PIGF: variants seen among roughly 807,000 people sequenced by gnomAD.
PIGF encodes the protein GPI ethanolamine phosphate transferase, stabilizing subunit.
PIGF carries 23 observed loss-of-function variants against 26.0 expected under a neutral mutation model. That is an observed-to-expected ratio of 0.88 (90% confidence interval 0.64 to 1.25). The LOEUF (loss-of-function observed/expected upper bound fraction) is 1.25, where lower values mean the gene tolerates loss of function less well. Ranked by LOEUF, PIGF falls within the 50% of genes most tolerant of loss-of-function variation. The pLI is 0.00. For synonymous variants in PIGF, 93 were observed against 92.6 expected (o/e 1.00, Z -0.03); for missense variants, 278 against 249.9 (o/e 1.11, Z -0.76).
Position 46,589,731 on chromosome 2 carries a change from A to G in PIGF, c.546+2744T>C, listed in dbSNP as rs547622986. Among the ~76,000 whole-genome samples the G allele has an allele frequency of 6.6e-6, 1 of 152,140 alleles. No homozygotes were observed. Among genetic ancestry groups the G allele is most frequent in the Non-Finnish European group, 1.5e-5 (1 of 67,926 alleles). On this transcript the variant is annotated intron_variant, in intron 5 of 5. Transcript: ENST00000281382. The surrounding 1 kb of genome is among the most constrained non-coding windows in gnomAD (Gnocchi z 4.7). ...TTGTCTTCTCATGAAATTTTGCTCT[A>G]ACAACATCTCCACTTTTAGAAAATG...
intron 5 of PIGF, among the ~76,000 whole-genome samples, chr2:46,585,761 C>A (rs1021374564): frequency 6.6e-6 from 1 of 152,056 alleles, no homozygotes; most frequent in Non-Finnish European, 1.5e-5. Flanking sequence ...CTATTCTTTA[C>A]CCTTGCAAAG....
intron 4 of PIGF, among the ~76,000 whole-genome samples, chr2:46,605,586 T>C (rs893434597): frequency 6.6e-6 from 1 of 152,160 alleles, no homozygotes. Context: ...GCAAAGTACA[T>C]ATTAGTTTTA....
chr2:46,580,947 T>C lies in PIGF; in HGVS notation c.*531A>G. ...TCCCAGATAGGAGCATGCTGCTATG[T>C]GGAATGTTCAGCTTTAACCCAGAAG... On this transcript the variant is annotated 3_prime_UTR_variant, in exon 6 of 6. Coordinates refer to ENST00000281382, the MANE Select transcript of PIGF (RefSeq NM_002643.4). 3 of 1,529,054 alleles carry C rather than the reference T, an allele frequency of 2.0e-6. No individual in the cohort carries two copies. In the Admixed American group the frequency reaches 6.9e-5, roughly 35 times the overall value. The allele number at this position is 1,529,054 out of a possible 1,614,324, so 94.7% of individuals were successfully genotyped here.
intron 4 of PIGF, among the ~76,000 whole-genome samples, chr2:46,608,861 T>A (rs954055306): frequency 6.6e-6 from 1 of 152,184 alleles, no homozygotes; most frequent in African/African-American, 2.4e-5. Flanking sequence ...CATCCAGACT[T>A]CGTTGTTCCA....
At position 46,605,191 on chromosome 2, in the gene PIGF, G is replaced by A. The variant is rs1670180940; in HGVS notation, c.437+7037C>T. ...GAAGGCAAACTCTAATGTTCAACGA[G>A]TTAATCTAATTATTTCCTAGCTTAT... On this transcript the variant is annotated intron_variant, in intron 4 of 5. Coordinates refer to ENST00000281382, the MANE Select transcript of PIGF (RefSeq NM_002643.4). Among the ~76,000 whole-genome samples, 2 of 151,994 alleles carry A rather than the reference G, an allele frequency of 1.3e-5. 1 individual carries two copies. The highest frequency in any genetic ancestry group is 4.1e-4 in the South Asian group (2 of 4,828).
At chr2:46,599,847 GT>G (rs1195358956) in intron 4 of PIGF, among the ~76,000 whole-genome samples, 7 of 152,130 alleles carry the variant, frequency 4.6e-5, no homozygotes, top group Middle Eastern at 6.8e-3. Context: ...TTTTAGGGTT[GT>G]CATGCCGTTT....
At chr2:46,608,676 T>C (rs183523028) in intron 4 of PIGF, among the ~76,000 whole-genome samples, 20 of 152,318 alleles carry the variant, frequency 1.3e-4, no homozygotes, top group African/African-American at 4.6e-4. Context: ...GGATCTTGTG[T>C]TGTAGGCATG....
chr2:46,587,819 G>A (rs1395656696), intron 5 of PIGF, among the ~76,000 whole-genome samples: 2 of 152,138 alleles, frequency 1.3e-5, no homozygotes, highest in African/African-American at 2.4e-5. Context: ...GTCAAGGCAT[G>A]TAATGAAAAC....
chr2:46,611,871 C>T (rs772095887), intron 4 of PIGF, among the ~76,000 whole-genome samples: 1 of 152,114 alleles, frequency 6.6e-6, no homozygotes, highest in Non-Finnish European at 1.5e-5. Flanking sequence ...ATTTTATTTA[C>T]AGCAGTCTTA....
intron 4 of PIGF, among the ~76,000 whole-genome samples, chr2:46,610,037 G>A (rs1329270968): frequency 6.6e-6 from 1 of 152,176 alleles, no homozygotes; most frequent in Non-Finnish European, 1.5e-5. Context: ...ATAAAGTGAG[G>A]AACAATAAAA....
intron 5 of PIGF, among the ~76,000 whole-genome samples, chr2:46,586,320 C>T (rs141157927): frequency 0.012 from 1,784 of 152,208 alleles, 32 homozygotes; most frequent in African/African-American, 0.041. Context: ...ATGAATGACT[C>T]CATTCATTCG....
intron 4 of PIGF, among the ~76,000 whole-genome samples, chr2:46,601,399 G>A (rs527376858): frequency 1.3e-5 from 2 of 152,196 alleles, no homozygotes; most frequent in South Asian, 4.1e-4. Context: ...CATTTTGAGT[G>A]CCTACTACGT....
intron 4 of PIGF, among the ~76,000 whole-genome samples, chr2:46,604,756 G>C (rs1291042659): frequency 2.0e-5 from 3 of 151,746 alleles, no homozygotes; most frequent in Admixed American, 6.6e-5. Flanking sequence ...TGATTAATGG[G>C]CATGAAAAAG....
chr2:46,607,873 T>G (rs2104125898), intron 4 of PIGF, among the ~76,000 whole-genome samples: 1 of 152,210 alleles, frequency 6.6e-6, no homozygotes, highest in Middle Eastern at 3.4e-3. Flanking sequence ...TTTTCTTGTA[T>G]TTTTAGTAGA....
chr2:46,588,134 G>T lies in PIGF; in HGVS notation c.546+4341C>A. On this transcript the variant is annotated intron_variant, in intron 5 of 5. Coordinates refer to ENST00000281382, the MANE Select transcript of PIGF (RefSeq NM_002643.4). The surrounding 1 kb of genome is among the most constrained non-coding windows in gnomAD (Gnocchi z 4.1). Reference sequence around the variant, plus strand: ...TTCACAGTACCAAGCCCCCTGCAGGGTACATGGAGAGATCTATAAGTGCTA... The same window carrying T: ...TTCACAGTACCAAGCCCCCTGCAGGTTACATGGAGAGATCTATAAGTGCTA... 1.2e-6 allele frequency: 2 copies of T among 1,612,814 alleles called. No individual in the cohort carries two copies. The highest frequency in any genetic ancestry group is 2.2e-5 in the South Asian group (2 of 90,932).
At chr2:46,592,394 A>G (rs540184442) in intron 5 of PIGF, 81 bp downstream of exon 5, 1 of 755,978 alleles carries the variant, frequency 1.3e-6, no homozygotes, top group African/African-American at 1.7e-5. Flanking sequence ...AACAATTTAC[A>G]TATACACACT....
At chr2:46,615,563 T>C (rs1284983513) in intron 1 of PIGF, 1 of 161,978 alleles carries the variant, frequency 6.2e-6, no homozygotes, top group Non-Finnish European at 1.4e-5. Flanking sequence ...GTTGCAATTA[T>C]AACCAAAGTT....
chr2:46,601,152 T>G (rs1053899652), intron 4 of PIGF, among the ~76,000 whole-genome samples: 8 of 152,092 alleles, frequency 5.3e-5, no homozygotes, highest in Non-Finnish European at 1.2e-4. Context: ...TTTTGTAAGT[T>G]TCCATAATAA....
intron 2 of PIGF, chr2:46,614,670 G>A: frequency 3.9e-6 from 1 of 257,960 alleles, no homozygotes; most frequent in Non-Finnish European, 7.5e-6. Context: ...ATTTTCAATG[G>A]TGACATAAAA....
Sources: allele counts gnomAD v4.1 joint callset (sites outside exome capture counted in the v4.1 genomes callset), GRCh38; gene constraint gnomAD v4.1.1; non-coding constraint Gnocchi (gnomAD v3.1); transcripts MANE v1.5; gene names NCBI Gene and HGNC (gene_info 2026-07-23, HGNC 2026-07-21).